Variants in ARB2A observed in about 807,000 individuals in gnomAD.
ARB2A encodes the protein cotranscriptional regulator ARB2A.
the ARB2A span, among the ~76,000 whole-genome samples, chr5:94,082,513 T>C: frequency 6.6e-6 from 1 of 152,178 alleles, no homozygotes; most frequent in Non-Finnish European, 1.5e-5. Flanking sequence ...TAAAGTTTAA[T>C]GGCACATTTA....
At chr5:93,989,672 C>T in the ARB2A span, among the ~76,000 whole-genome samples, 2 of 152,274 alleles carry the variant, frequency 1.3e-5, no homozygotes, top group East Asian at 3.9e-4. Flanking sequence ...GATTCATTTC[C>T]TGACTACATA....
At chr5:93,869,500 C>T in the ARB2A span, among the ~76,000 whole-genome samples, 2 of 152,128 alleles carry the variant, frequency 1.3e-5, no homozygotes, top group Non-Finnish European at 2.9e-5. Context: ...ATTATAATTA[C>T]AAGTGATGTT....
chr5:93,633,733 G>A, the ARB2A span, among the ~76,000 whole-genome samples: 1 of 152,222 alleles, frequency 6.6e-6, no homozygotes, highest in South Asian at 2.1e-4. Context: ...AGTCAGAGAT[G>A]AGATTACTAT....
the ARB2A span, among the ~76,000 whole-genome samples, chr5:93,628,545 T>C: frequency 5.9e-5 from 9 of 152,234 alleles, no homozygotes; most frequent in Non-Finnish European, 1.3e-4. Context: ...ATGACTGTTT[T>C]ATCTACATTG....
At chr5:93,851,521 T>C in the ARB2A span, among the ~76,000 whole-genome samples, 5 of 152,208 alleles carry the variant, frequency 3.3e-5, no homozygotes, top group Non-Finnish European at 7.3e-5. Flanking sequence ...GTTACACATG[T>C]ATACATGTGC....
At chr5:94,028,570 C>T in the ARB2A span, among the ~76,000 whole-genome samples, 1 of 152,212 alleles carries the variant, frequency 6.6e-6, no homozygotes, top group Non-Finnish European at 1.5e-5. Flanking sequence ...TCCTCACTCA[C>T]ATACAAGAAC....
chr5:93,821,404 C>T, the ARB2A span, among the ~76,000 whole-genome samples: 1 of 152,028 alleles, frequency 6.6e-6, no homozygotes, highest in African/African-American at 2.4e-5. Context: ...TACTGTCTGA[C>T]ATGTGTAATG....
chr5:93,702,518 T>C, the ARB2A span, among the ~76,000 whole-genome samples: 98 of 152,212 alleles, frequency 6.4e-4, no homozygotes, highest in Non-Finnish European at 1.0e-3. Context: ...GAGCTTACAT[T>C]TGGCTATGAA....
chr5:93,682,567 C>T, the ARB2A span, among the ~76,000 whole-genome samples: 1 of 151,002 alleles, frequency 6.6e-6, no homozygotes, highest in African/African-American at 2.4e-5. Context: ...TTTTTGTCTC[C>T]CCACCATTTC....
the ARB2A span, among the ~76,000 whole-genome samples, chr5:93,999,750 A>T: frequency 6.6e-6 from 1 of 152,144 alleles, no homozygotes; most frequent in East Asian, 1.9e-4. Context: ...GGACAAATAT[A>T]TAATGACATG....
the ARB2A span, among the ~76,000 whole-genome samples, chr5:93,625,424 C>T: frequency 2.0e-5 from 3 of 152,074 alleles, no homozygotes; most frequent in African/African-American, 7.2e-5. Flanking sequence ...ATAATCTGAA[C>T]CCTACTCTAG....
At chr5:93,628,039 T>G in the ARB2A span, among the ~76,000 whole-genome samples, 14 of 150,158 alleles carry the variant, frequency 9.3e-5, no homozygotes, top group African/African-American at 3.4e-4. Flanking sequence ...GCAGGCACAG[T>G]AGATGTAGCA....
At chr5:93,785,645 C>T in the ARB2A span, among the ~76,000 whole-genome samples, 2 of 152,046 alleles carry the variant, frequency 1.3e-5, no homozygotes, top group African/African-American at 4.8e-5. Flanking sequence ...ATGAATACTA[C>T]CTAATGGGAA....
chr5:93,821,080 T>G, the ARB2A span, among the ~76,000 whole-genome samples: 2 of 152,210 alleles, frequency 1.3e-5, no homozygotes, highest in African/African-American at 2.4e-5. Context: ...TAGGATATAA[T>G]AGTAAATTAT....
chr5:93,622,258 G>A, the ARB2A span, among the ~76,000 whole-genome samples: 11 of 152,208 alleles, frequency 7.2e-5, no homozygotes, highest in Admixed American at 7.2e-4. Flanking sequence ...TCTCTTCCTA[G>A]ATCACTCAAT....
chr5:93,756,263 C>T, the ARB2A span, among the ~76,000 whole-genome samples: 1 of 152,286 alleles, frequency 6.6e-6, no homozygotes, highest in African/African-American at 2.4e-5. Flanking sequence ...CCTAACCCTG[C>T]CCCCATATGA....
At chr5:93,633,191 C>T in the ARB2A span, among the ~76,000 whole-genome samples, 1 of 152,218 alleles carries the variant, frequency 6.6e-6, no homozygotes, top group Non-Finnish European at 1.5e-5. Context: ...AATTAAACCT[C>T]ATGAAAGTTT....
chr5:93,984,811 T>A, the ARB2A span, among the ~76,000 whole-genome samples: 4 of 152,074 alleles, frequency 2.6e-5, no homozygotes, highest in Admixed American at 6.5e-5. Context: ...ATGAAAAAAA[T>A]TTAATTAGTA....
chr5:93,912,507 T>C, the ARB2A span, among the ~76,000 whole-genome samples: 1 of 151,774 alleles, frequency 6.6e-6, no homozygotes, highest in African/African-American at 2.4e-5. Flanking sequence ...ACCTAAAAAG[T>C]TCTGCAAAGC....
Sources: gnomAD v4.1 joint callset for allele counts (sites outside exome capture counted in the v4.1 genomes callset) on GRCh38, gnomAD v4.1.1 for gene constraint, MANE v1.5 for transcripts, NCBI Gene and HGNC (gene_info 2026-07-23, HGNC 2026-07-21) for gene names.